Variants in RBM19 observed in about 807,000 individuals in gnomAD.
The protein encoded by RBM19 is RNA binding motif protein 19, also known as probable RNA-binding protein 19.
Under a neutral mutation model 116.8 loss-of-function variants are expected in RBM19, and 94 were observed. That is an observed-to-expected ratio of 0.80 (90% CI 0.68 to 0.95). The LOEUF is 0.95. Among genes scored for constraint, RBM19 ranks in the 40% least tolerant of loss-of-function variants. The pLI is 0.00. For synonymous variants in RBM19, 475 were observed against 494.1 expected (o/e 0.96, Z 0.51); for missense variants, 1,161 against 1,220.7 (o/e 0.95, Z 0.73).
intron 21 of RBM19, among the ~76,000 whole-genome samples, chr12:113,883,152 G>C (rs1374418608): frequency 6.6e-6 from 1 of 152,234 alleles, no homozygotes; most frequent in African/African-American, 2.4e-5. Flanking sequence ...CAAAAGGCAG[G>C]TCATCGCCTC....
intron 20 of RBM19, among the ~76,000 whole-genome samples, chr12:113,916,060 T>C (rs896085513): frequency 1.3e-5 from 2 of 152,190 alleles, no homozygotes; most frequent in Non-Finnish European, 2.9e-5. Flanking sequence ...TCTGGGGCTA[T>C]GCTGTCTCAT....
At chr12:113,846,797 C>T (rs549176020) in intron 22 of RBM19, among the ~76,000 whole-genome samples, 5 of 152,296 alleles carry the variant, frequency 3.3e-5, no homozygotes, top group Admixed American at 6.5e-5. Context: ...ACTGCATCCT[C>T]GAACCCCTGG....
intron 23 of RBM19, among the ~76,000 whole-genome samples, chr12:113,823,715 G>C (rs1874619638): frequency 6.6e-6 from 1 of 152,062 alleles, no homozygotes; most frequent in Non-Finnish European, 1.5e-5. Flanking sequence ...ATTCCCTTGA[G>C]AAAAAAGAGA....
chr12:113,917,783 T>C (rs373635056), intron 20 of RBM19, among the ~76,000 whole-genome samples: 1 of 152,202 alleles, frequency 6.6e-6, no homozygotes, highest in East Asian at 1.9e-4. Flanking sequence ...CCGGACACTG[T>C]TGGAGGCACG....
rs1276342869 is a variant in RBM19, at chr12:113,822,975, G to A, written c.*249C>T. 8.0e-6 allele frequency: 4 copies of A among 498,730 alleles called. No individual in the cohort carries two copies. Among genetic ancestry groups the A allele is most frequent in the African/African-American group, 7.8e-5 (4 of 51,242 alleles). The allele number at this position is 498,730 out of a possible 1,614,324, so 30.9% of individuals were successfully genotyped here. On this transcript the variant is annotated 3_prime_UTR_variant, in exon 24 of 24. Transcript: ENST00000261741. Reference sequence around the variant, plus strand: ...TGCTCCCTTGGACTCTTCCGTGTCTGCTACAGAGCAGGTGCGCAGTCAGTG... The same window carrying A: ...TGCTCCCTTGGACTCTTCCGTGTCTACTACAGAGCAGGTGCGCAGTCAGTG...
chr12:113,933,601 G>A (rs1343489813), intron 16 of RBM19, among the ~76,000 whole-genome samples: 1 of 152,202 alleles, frequency 6.6e-6, no homozygotes, highest in East Asian at 1.9e-4. Flanking sequence ...GCCCCTCTGG[G>A]AGGTAGGGGC....
At chr12:113,859,192 G>A (rs903974115) in intron 21 of RBM19, among the ~76,000 whole-genome samples, 1 of 152,198 alleles carries the variant, frequency 6.6e-6, no homozygotes, top group African/African-American at 2.4e-5. Flanking sequence ...ACTTCCCTGT[G>A]GGGTAACTAT....
chr12:113,823,386 G>C, intron 23 of RBM19, 65 bp from the exon 24 acceptor site: 1 of 1,421,308 alleles, frequency 7.0e-7, no homozygotes, highest in Non-Finnish European at 9.8e-7. Flanking sequence ...GGCAGGAAGA[G>C]AGAAATGACA....
intron 21 of RBM19, among the ~76,000 whole-genome samples, chr12:113,878,950 T>C (rs1258442910): frequency 6.6e-6 from 1 of 151,994 alleles, no homozygotes; most frequent in Non-Finnish European, 1.5e-5. Context: ...CACAGAGAAT[T>C]AGTTCTGGAG....
rs150724878 is a variant in RBM19 at position 113,844,716 on chromosome 12, C to T, written c.2737G>A (p.Glu913Lys). The change falls in exon 23 of 24, where the codon GAG becomes AAG. Residue 913 changes from glutamate to lysine, a missense_variant. Physicochemically the swap from Glu to Lys is moderately conservative, Grantham distance 56. Transcript: ENST00000261741. ...RRLVLEWADSEVTLQALRRKT... is the reference protein window; with the variant it reads ...RRLVLEWADSKVTLQALRRKT... ...CGCCGCAGGGCCTGCAGGGTCACCT[C>T]GGAGTCGGCCCACTCCAGCACCAGC... 2.4e-5 allele frequency: 38 copies of T among 1,613,220 alleles called. No individual in the cohort carries two copies. The Middle Eastern group carries it at 6.6e-4, about 28-fold the overall frequency.
chr12:113,959,092 A>T (rs113721607), intron 5 of RBM19, 120 bp downstream of exon 5: 10 of 1,049,664 alleles, frequency 9.5e-6, no homozygotes, highest in Non-Finnish European at 1.4e-5. Flanking sequence ...ATCACCCCCA[A>T]TGGAGAGCTC....
At chr12:113,823,987 G>T (rs1293161387) in intron 23 of RBM19, among the ~76,000 whole-genome samples, 1 of 152,228 alleles carries the variant, frequency 6.6e-6, no homozygotes, top group Non-Finnish European at 1.5e-5. Context: ...ATTAGAGGTG[G>T]CTTTGAAGAG....
intron 17 of RBM19, 124 bp from the exon 18 acceptor site, chr12:113,924,881 G>A (rs1035558172): frequency 7.7e-6 from 6 of 781,294 alleles, no homozygotes; most frequent in African/African-American, 3.4e-5. Flanking sequence ...AACATTTTGA[G>A]GTGATGAGTG....
intron 20 of RBM19, among the ~76,000 whole-genome samples, chr12:113,915,371 G>C (rs913422816): frequency 2.0e-5 from 3 of 152,152 alleles, no homozygotes; most frequent in Non-Finnish European, 4.4e-5. Context: ...TAAGGGTGGG[G>C]CTGGTTTCTC....
chr12:113,961,393 G>C (rs938358009), intron 2 of RBM19, among the ~76,000 whole-genome samples: 8 of 151,784 alleles, frequency 5.3e-5, no homozygotes, highest in African/African-American at 1.9e-4. Flanking sequence ...ACATGCTCAC[G>C]GTACAAAATT....
chr12:113,932,290 G>A (rs1288150348), intron 16 of RBM19, among the ~76,000 whole-genome samples: 4 of 152,246 alleles, frequency 2.6e-5, no homozygotes, highest in Non-Finnish European at 5.9e-5. Context: ...TGCAGAGCAG[G>A]CTGCAAGACC....
At chr12:113,918,496 A>C in intron 19 of RBM19, 49 bp from the exon 20 acceptor site, 2 of 1,595,534 alleles carry the variant, frequency 1.3e-6, no homozygotes, top group Non-Finnish European at 1.7e-6. Context: ...AGAAATACTC[A>C]CCCGAATCCT....
intron 21 of RBM19, among the ~76,000 whole-genome samples, chr12:113,861,474 C>CTGTGTGTGTGTGTGTGTGTGTGTG (rs57704604): frequency 7.9e-6 from 1 of 126,508 alleles, no homozygotes; most frequent in East Asian, 2.5e-4. Flanking sequence ...AAGCCAGACT[C>CTGTGTGTGTGTGTGTGTGTGTGTG]TGTGTGTGTG....
intron 22 of RBM19, among the ~76,000 whole-genome samples, chr12:113,845,490 T>C (rs1211291834): frequency 6.6e-6 from 1 of 152,242 alleles, no homozygotes; most frequent in Non-Finnish European, 1.5e-5. Flanking sequence ...ATACACTGCT[T>C]GTCTGAAGAC....
Sources: allele counts gnomAD v4.1 joint callset (sites outside exome capture counted in the v4.1 genomes callset), GRCh38; gene constraint gnomAD v4.1.1; transcripts MANE v1.5; gene names NCBI Gene and HGNC (gene_info 2026-07-23, HGNC 2026-07-21).